Variants in ADAMTSL1 observed in about 807,000 individuals in gnomAD.
The protein encoded by ADAMTSL1 is ADAMTS-like protein 1.
ADAMTSL1 carries 126 observed loss-of-function variants against 201.8 expected under a neutral mutation model. That is an observed-to-expected ratio of 0.62 (90% CI 0.54 to 0.72). ADAMTSL1 has a LOEUF of 0.72. Ranked by LOEUF, ADAMTSL1 falls within the 30% of genes least tolerant of loss-of-function variation. The pLI, the probability that ADAMTSL1 is intolerant of heterozygous loss-of-function variation, is 0.00. For synonymous variants in ADAMTSL1, 1,121 were observed against 903.4 expected, an observed-to-expected ratio of 1.24 and a Z score of -4.32; for missense variants, 2,679 against 2,277.8, an observed-to-expected ratio of 1.18 and a Z score of -3.59.
chr9:18,828,414 T>G (rs1190227711), intron 22 of ADAMTSL1, among the ~76,000 whole-genome samples: 1 of 151,794 alleles, frequency 6.6e-6, no homozygotes, highest in Non-Finnish European at 1.5e-5. Context: ...AGAGGAAGTA[T>G]TGAGGAGGAG....
chr9:18,565,330 T>C (rs946162451), intron 3 of ADAMTSL1, among the ~76,000 whole-genome samples: 1 of 152,220 alleles, frequency 6.6e-6, no homozygotes, highest in Admixed American at 6.5e-5. Flanking sequence ...TATAAAGGTA[T>C]AATTTCACTG....
At chr9:18,369,717 A>G (rs1836956303) in intron 2 of ADAMTSL1, among the ~76,000 whole-genome samples, 2 of 152,202 alleles carry the variant, frequency 1.3e-5, no homozygotes, top group East Asian at 1.9e-4. Flanking sequence ...TTACAGCACT[A>G]TTCACAATAG....
intron 15 of ADAMTSL1, among the ~76,000 whole-genome samples, chr9:18,738,337 G>A (rs934893882): frequency 6.6e-5 from 10 of 152,256 alleles, no homozygotes; most frequent in South Asian, 4.1e-4. Context: ...AAACATGTGC[G>A]TAGCCATCAA....
intron 5 of ADAMTSL1, among the ~76,000 whole-genome samples, chr9:18,629,234 A>C (rs1176967012): frequency 1.4e-5 from 2 of 147,190 alleles, no homozygotes; most frequent in African/African-American, 2.5e-5. Context: ...TTTGTAAGCC[A>C]CTTTTTTTTT....
intron 19 of ADAMTSL1, among the ~76,000 whole-genome samples, chr9:18,780,501 T>A (rs1282995403): frequency 6.6e-6 from 1 of 152,202 alleles, no homozygotes; most frequent in Non-Finnish European, 1.5e-5. Flanking sequence ...ATTTTATGTC[T>A]ATTTTTTTAA....
chr9:18,548,310 A>G (rs1289622260), intron 3 of ADAMTSL1, among the ~76,000 whole-genome samples: 1 of 152,016 alleles, frequency 6.6e-6, no homozygotes, highest in East Asian at 1.9e-4. Flanking sequence ...TTGGCAGTCT[A>G]TTTAGTGTCA....
At chr9:17,927,599 A>G (rs1289537328) in intron 1 of ADAMTSL1, among the ~76,000 whole-genome samples, 1 of 152,152 alleles carries the variant, frequency 6.6e-6, no homozygotes, top group African/African-American at 2.4e-5. Context: ...AGATGGTTGC[A>G]TCTGTACTGA....
chr9:18,063,160 G>A (rs1000383899), intron 1 of ADAMTSL1, among the ~76,000 whole-genome samples: 4 of 152,098 alleles, frequency 2.6e-5, no homozygotes, highest in Non-Finnish European at 5.9e-5. Context: ...TCAAGACATA[G>A]TAAGAGACTG....
intron 1 of ADAMTSL1, among the ~76,000 whole-genome samples, chr9:18,146,953 AT>A (rs1826670902): frequency 6.6e-6 from 1 of 152,038 alleles, no homozygotes; most frequent in African/African-American, 2.4e-5. Context: ...ACACCTTTCT[AT>A]TTCTCTTTCT....
intron 1 of ADAMTSL1, among the ~76,000 whole-genome samples, chr9:18,042,692 A>G (rs933555575): frequency 1.3e-5 from 2 of 152,198 alleles, no homozygotes; most frequent in Non-Finnish European, 2.9e-5. Context: ...CTGGAAGCCA[A>G]TCAAAATGGA....
At chr9:18,399,295 A>G (rs1563934656) in intron 2 of ADAMTSL1, among the ~76,000 whole-genome samples, 1 of 97,092 alleles carries the variant, frequency 1.0e-5, no homozygotes. Context: ...ATATATATAT[A>G]TATATATATA....
intron 1 of ADAMTSL1, among the ~76,000 whole-genome samples, chr9:18,133,998 A>C (rs531712905): frequency 1.3e-5 from 2 of 152,322 alleles, no homozygotes; most frequent in South Asian, 4.1e-4. Context: ...ATGGAATAAC[A>C]GTAACATTAT....
chr9:18,233,503 G>A (rs558958000), intron 2 of ADAMTSL1, among the ~76,000 whole-genome samples: 29 of 151,974 alleles, frequency 1.9e-4, no homozygotes, highest in Non-Finnish European at 3.7e-4. Flanking sequence ...CTAATATATC[G>A]GATGCCTGCT....
intron 2 of ADAMTSL1, among the ~76,000 whole-genome samples, chr9:18,357,961 G>A (rs1009176291): frequency 6.6e-6 from 1 of 152,092 alleles, no homozygotes; most frequent in African/African-American, 2.4e-5. Flanking sequence ...CTTTGTTGTT[G>A]TTCAGTCTAA....
At chr9:18,383,175 G>A (rs1236713927) in intron 2 of ADAMTSL1, among the ~76,000 whole-genome samples, 1 of 152,026 alleles carries the variant, frequency 6.6e-6, no homozygotes, top group Non-Finnish European at 1.5e-5. Flanking sequence ...GTTTTGTGAG[G>A]GAAGGGAGTT....
intron 19 of ADAMTSL1, among the ~76,000 whole-genome samples, chr9:18,790,807 A>C (rs1205822222): frequency 1.3e-5 from 2 of 152,188 alleles, no homozygotes; most frequent in Non-Finnish European, 2.9e-5. Flanking sequence ...TAAAGTAATA[A>C]ATTTTAGGCT....
At chr9:18,639,115 T>A (rs574960317) in intron 6 of ADAMTSL1, 139 bp from the exon 7 acceptor site, 3 of 747,426 alleles carry the variant, frequency 4.0e-6, no homozygotes, top group Admixed American at 2.8e-5. Flanking sequence ...TTTGTTGATA[T>A]CACAATTTCA....
At chr9:18,190,031 G>A (rs1466854580) in intron 2 of ADAMTSL1, among the ~76,000 whole-genome samples, 2 of 152,204 alleles carry the variant, frequency 1.3e-5, no homozygotes, top group Non-Finnish European at 2.9e-5. Flanking sequence ...GAATGAGCCT[G>A]GTCAGGTTTC....
At chr9:18,185,205 G>C (rs1363882369) in intron 2 of ADAMTSL1, among the ~76,000 whole-genome samples, 1 of 152,110 alleles carries the variant, frequency 6.6e-6, no homozygotes, top group Non-Finnish European at 1.5e-5. Context: ...ATATGGCAAA[G>C]ACGACAGGAT....
Sources: allele counts gnomAD v4.1 joint callset (sites outside exome capture counted in the v4.1 genomes callset), GRCh38; gene constraint gnomAD v4.1.1; transcripts MANE v1.5; gene names NCBI Gene and HGNC (gene_info 2026-07-23, HGNC 2026-07-21).